The following PDE1A variants were observed in gnomAD, a reference collection of about 807,000 sequenced individuals.
PDE1A encodes the protein phosphodiesterase 1A, also known as dual specificity calcium/calmodulin-dependent 3',5'-cyclic nucleotide phosphodiesterase 1A.
In PDE1A, 35 loss-of-function variants were observed where a neutral mutation model predicts 61.7. The observed-to-expected ratio is 0.57, with a 90% confidence interval of 0.43 to 0.75. The LOEUF is 0.75. Among genes scored for constraint, PDE1A ranks in the 30% least tolerant of loss-of-function variants. The pLI, the probability that PDE1A is intolerant of heterozygous loss-of-function variation, is 0.00. For missense variants in PDE1A, 597 were observed against 630.6 expected (o/e 0.95, Z 0.57); for synonymous variants, 232 against 213.2 (o/e 1.09, Z -0.77).
chr2:182,334,273 C>T (rs1369576066), intron 1 of PDE1A, among the ~76,000 whole-genome samples: 1 of 150,728 alleles, frequency 6.6e-6, no homozygotes, highest in Non-Finnish European at 1.5e-5. Context: ...AAGAGACACA[C>T]ACACACACAC....
intron 2 of PDE1A, among the ~76,000 whole-genome samples, chr2:182,482,529 G>A (rs1312809868): frequency 6.6e-6 from 1 of 151,884 alleles, no homozygotes; most frequent in Non-Finnish European, 1.5e-5. Context: ...AATGAAAATA[G>A]CTATACAACT....
downstream of PDE1A, among the ~76,000 whole-genome samples, chr2:182,143,445 T>C (rs1191763821): frequency 6.6e-6 from 1 of 152,140 alleles, no homozygotes; most frequent in African/African-American, 2.4e-5. Flanking sequence ...CAATTCACAT[T>C]GCACTTTACA....
the PDE1A span, among the ~76,000 whole-genome samples, chr2:182,609,121 A>G: frequency 6.6e-6 from 1 of 152,168 alleles, no homozygotes; most frequent in African/African-American, 2.4e-5. Context: ...TGCACCAATC[A>G]GCACTCTGTG....
At chr2:182,234,479 G>A in exon 4 of PDE1A, 1 of 1,603,338 alleles carries the variant, frequency 6.2e-7, no homozygotes, top group Non-Finnish European at 8.5e-7. Context: ...CCAACCATAT[G>A]ATATGTTTTT....
chr2:182,588,865 G>A, the PDE1A span, among the ~76,000 whole-genome samples: 1 of 151,858 alleles, frequency 6.6e-6, no homozygotes, highest in Non-Finnish European at 1.5e-5. Flanking sequence ...CCAACATGGT[G>A]AAACCCCATC....
chr2:182,694,180 C>T, the PDE1A span, among the ~76,000 whole-genome samples: 2 of 152,154 alleles, frequency 1.3e-5, no homozygotes, highest in Admixed American at 6.5e-5. Flanking sequence ...GACCCAAATT[C>T]ATTCTTTACC....
At chr2:182,353,776 T>C (rs1366326246) in intron 1 of PDE1A, among the ~76,000 whole-genome samples, 1 of 152,150 alleles carries the variant, frequency 6.6e-6, no homozygotes, top group Non-Finnish European at 1.5e-5. Flanking sequence ...ATCAGTATGG[T>C]TGAAAATTGG....
chr2:182,386,519 C>T (rs905198935), intron 1 of PDE1A, among the ~76,000 whole-genome samples: 5 of 149,180 alleles, frequency 3.4e-5, no homozygotes, highest in Non-Finnish European at 7.4e-5. Flanking sequence ...AGGTGAGGAA[C>T]GTCTCTGCCC....
the PDE1A span, among the ~76,000 whole-genome samples, chr2:182,595,088 G>A: frequency 1.3e-5 from 2 of 152,170 alleles, no homozygotes; most frequent in African/African-American, 4.8e-5. Context: ...AGAAATGGAC[G>A]ATAAAGACAA....
the PDE1A span, among the ~76,000 whole-genome samples, chr2:182,535,799 G>A: frequency 3.3e-5 from 5 of 152,234 alleles, no homozygotes; most frequent in East Asian, 1.9e-4. Flanking sequence ...AGAGGGCAAC[G>A]TTAATGCATA....
intron 10 of PDE1A, among the ~76,000 whole-genome samples, chr2:182,198,209 A>G (rs903119950): frequency 6.6e-6 from 1 of 151,946 alleles, no homozygotes; most frequent in Non-Finnish European, 1.5e-5. Context: ...CAGCTTGCAT[A>G]CAGAAACACA....
At chr2:182,207,063 G>C (rs1687167244) in intron 7 of PDE1A, among the ~76,000 whole-genome samples, 1 of 152,144 alleles carries the variant, frequency 6.6e-6, no homozygotes, top group African/African-American at 2.4e-5. Flanking sequence ...ACTGAGCGTG[G>C]GGTATTGCTA....
At chr2:182,357,819 C>A (rs536128329) in intron 1 of PDE1A, among the ~76,000 whole-genome samples, 1 of 152,270 alleles carries the variant, frequency 6.6e-6, no homozygotes, top group Admixed American at 6.5e-5. Context: ...CTCCATAATG[C>A]CTTTCAAAGG....
intron 1 of PDE1A, among the ~76,000 whole-genome samples, chr2:182,383,719 A>T (rs1700866755): frequency 6.6e-6 from 1 of 152,226 alleles, no homozygotes; most frequent in African/African-American, 2.4e-5. Context: ...GAGAGATCAC[A>T]GTATCTAACT....
chr2:182,189,551 C>A (rs994797143), intron 10 of PDE1A, among the ~76,000 whole-genome samples: 8 of 152,112 alleles, frequency 5.3e-5, no homozygotes, highest in Admixed American at 4.6e-4. Flanking sequence ...TTAAATCTTC[C>A]ACAACATATA....
chr2:182,156,898 AAGTAAGTATCT>A (rs1374887062), intron 13 of PDE1A, among the ~76,000 whole-genome samples: 1 of 152,070 alleles, frequency 6.6e-6, no homozygotes, highest in Non-Finnish European at 1.5e-5. Flanking sequence ...TATATAACTG[AAGTAAGTATCT>A]ATGCTTAAAA....
intron 8 of PDE1A, among the ~76,000 whole-genome samples, chr2:182,205,509 T>C (rs1039161663): frequency 1.3e-5 from 2 of 152,056 alleles, no homozygotes; most frequent in African/African-American, 4.8e-5. Flanking sequence ...ATATTGGAAT[T>C]TTTTTCCCAC....
chr2:182,219,417 C>T lies in PDE1A; in HGVS notation c.776+4447G>A, dbSNP rs545394561. 4.7e-4 allele frequency among the ~76,000 whole-genome samples: 71 copies of T among 152,150 alleles called. 1 individual carries two copies. The highest frequency in any genetic ancestry group is 1.6e-3 in the African/African-American group (67 of 41,534). The stretch of plus-strand genomic sequence containing the variant: ...GAACCTGGGCTTGTCCTTCCTCTAT[C>T]CTCCTAGGTTGCCAGATCATTATGC... On this transcript the variant is annotated intron_variant, in intron 7 of 13. Coordinates refer to ENST00000351439, the Ensembl canonical transcript of PDE1A.
At chr2:182,177,643 A>G (rs1684382366) in intron 13 of PDE1A, among the ~76,000 whole-genome samples, 1 of 152,054 alleles carries the variant, frequency 6.6e-6, no homozygotes, top group African/African-American at 2.4e-5. Flanking sequence ...TACCGGTACC[A>G]TGCTATTTTG....
Sources: allele counts gnomAD v4.1 joint callset (sites outside exome capture counted in the v4.1 genomes callset), GRCh38; gene constraint gnomAD v4.1.1; transcripts MANE v1.5; gene names NCBI Gene and HGNC (gene_info 2026-07-23, HGNC 2026-07-21).